Variants in KCNJ6 observed in about 807,000 individuals in gnomAD.
KCNJ6 encodes the protein G protein-activated inward rectifier potassium channel 2.
In KCNJ6, 9 loss-of-function variants were observed where a neutral mutation model predicts 34.2. The ratio of observed to expected loss-of-function variants is 0.26; its 90% confidence interval spans 0.16 to 0.46. KCNJ6 has a LOEUF of 0.46. KCNJ6 is among the 20% of genes least tolerant of loss of function. KCNJ6 has a pLI of 1.00. For missense variants in KCNJ6, 236 were observed against 531.3 expected (o/e 0.44, Z 5.46); for synonymous variants, 196 against 207.1 (o/e 0.95, Z 0.46).
chr21:37,855,046 G>A (rs1241966869), intron 1 of KCNJ6, among the ~76,000 whole-genome samples: 1 of 152,152 alleles, frequency 6.6e-6, no homozygotes, highest in African/African-American at 2.4e-5. Flanking sequence ...CACAACAACA[G>A]CAGAATACAC....
chr21:37,764,104 A>T (rs1375210525), intron 2 of KCNJ6, among the ~76,000 whole-genome samples: 1 of 152,240 alleles, frequency 6.6e-6, no homozygotes, highest in Non-Finnish European at 1.5e-5. Context: ...TGAGTCATAG[A>T]TGAAATACCA....
intron 1 of KCNJ6, among the ~76,000 whole-genome samples, chr21:37,847,506 C>T (rs1014774313): frequency 1.3e-5 from 2 of 152,216 alleles, no homozygotes; most frequent in Non-Finnish European, 2.9e-5. Flanking sequence ...GGTCTAAGAT[C>T]CTTCTTCAAT....
chr21:37,719,167 G>A, intron 2 of KCNJ6, among the ~76,000 whole-genome samples: 1 of 152,190 alleles, frequency 6.6e-6, no homozygotes, highest in Non-Finnish European at 1.5e-5. Flanking sequence ...AGGGGCCAGA[G>A]CCTCAGGGCT....
chr21:37,753,726 C>T (rs573813768), intron 2 of KCNJ6, among the ~76,000 whole-genome samples: 95 of 152,158 alleles, frequency 6.2e-4, no homozygotes, highest in Non-Finnish European at 1.0e-3. Context: ...ATCGAGGGAA[C>T]GCTGTCACTA....
intron 3 of KCNJ6, among the ~76,000 whole-genome samples, chr21:37,641,071 A>C (rs962737714): frequency 1.3e-5 from 2 of 152,134 alleles, no homozygotes; most frequent in African/African-American, 2.4e-5. Flanking sequence ...GGTTATAGGA[A>C]CCTCACACAC....
intron 3 of KCNJ6, among the ~76,000 whole-genome samples, chr21:37,647,948 A>C (rs1378550028): frequency 6.6e-6 from 1 of 152,184 alleles, no homozygotes; most frequent in Non-Finnish European, 1.5e-5. Context: ...CACTGATTGC[A>C]TTTCCTGGAC....
intron 2 of KCNJ6, among the ~76,000 whole-genome samples, chr21:37,773,937 G>A (rs530556511): frequency 1.2e-4 from 18 of 152,198 alleles, no homozygotes; most frequent in Non-Finnish European, 2.1e-4. Context: ...TCATGACCCC[G>A]TATTTCCTCT....
intron 2 of KCNJ6, among the ~76,000 whole-genome samples, chr21:37,768,043 A>T (rs2123501104): frequency 6.6e-6 from 1 of 152,218 alleles, no homozygotes. Context: ...GGACTTGGGT[A>T]AAATTTTTAA....
intron 3 of KCNJ6, among the ~76,000 whole-genome samples, chr21:37,646,879 T>C (rs761502607): frequency 2.6e-5 from 4 of 152,024 alleles, no homozygotes; most frequent in African/African-American, 4.8e-5. Context: ...TCACACGTGT[T>C]AGCCAAGACT....
Position 37,617,234 on chromosome 21 carries a change from T to G in KCNJ6, c.*7925A>C, listed in dbSNP as rs1041999470. The G allele has an allele frequency of 4.0e-5, 6 of 150,102 alleles. No homozygotes were observed. Among genetic ancestry groups the G allele is most frequent in the Non-Finnish European group, 8.9e-5 (6 of 67,686 alleles). 9.3% of individuals were successfully genotyped at this position (150,102 alleles called of 1,614,324 possible). A position where few individuals can be genotyped will look rare whatever the true frequency, so the allele number is the denominator to read the frequency against. ...CTTCCTTCCTTCTTTTCTTTCTTTT[T>G]TTGAGACTGAGTCTCGCTCCGTGGC... is the stretch of plus-strand genomic sequence containing the variant. On this transcript the variant is annotated 3_prime_UTR_variant, in exon 4 of 4. Coordinates refer to ENST00000609713, the MANE Select transcript of KCNJ6 (RefSeq NM_002240.5).
chr21:37,847,493 C>A (rs962452895), intron 1 of KCNJ6, among the ~76,000 whole-genome samples: 1 of 152,202 alleles, frequency 6.6e-6, no homozygotes, highest in Non-Finnish European at 1.5e-5. Flanking sequence ...CAGTGAGAAT[C>A]CAGGTCTAAG....
chr21:37,766,716 C>CA (rs1292963937), intron 2 of KCNJ6, among the ~76,000 whole-genome samples: 1 of 152,102 alleles, frequency 6.6e-6, no homozygotes, highest in African/African-American at 2.4e-5. Flanking sequence ...CAGGGGTCCC[C>CA]AAACCGTGGG....
At chr21:37,840,518 AGT>A in intron 2 of KCNJ6, 138 bp downstream of exon 2, 1 of 606,720 alleles carries the variant, frequency 1.6e-6, no homozygotes, top group Non-Finnish European at 3.0e-6. Flanking sequence ...AACATGATGC[AGT>A]GTGTGTGAAA....
intron 3 of KCNJ6, among the ~76,000 whole-genome samples, chr21:37,668,669 C>T (rs184474482): frequency 1.5e-4 from 23 of 152,276 alleles, no homozygotes; most frequent in Middle Eastern, 3.4e-3. Context: ...GTGTGGATGC[C>T]GCACCCGTGC....
chr21:37,885,932 G>T (rs1019130130), intron 1 of KCNJ6, among the ~76,000 whole-genome samples: 1 of 152,066 alleles, frequency 6.6e-6, no homozygotes, highest in African/African-American at 2.4e-5. Flanking sequence ...CTTTCTCGAG[G>T]TTATTTTCCT....
At position 37,796,376 on chromosome 21, in the gene KCNJ6, T is replaced by C. The variant is rs190883321; in HGVS notation, c.25+44282A>G. Among the ~76,000 whole-genome samples, 343 of 152,146 alleles carry C rather than the reference T, an allele frequency of 2.3e-3. 3 individuals are homozygous for C. Among genetic ancestry groups the C allele is most frequent in the African/African-American group, 7.7e-3 (319 of 41,584 alleles). ...CCCGTGAGCCCAAGGAAAGACTGAC[T>C]TCATTTTGAAAGCGGCAAAGTGGTT... On this transcript the variant is annotated intron_variant, in intron 2 of 3. Transcript: ENST00000609713.
At chr21:37,854,357 T>C (rs2123594614) in intron 1 of KCNJ6, among the ~76,000 whole-genome samples, 1 of 152,116 alleles carries the variant, frequency 6.6e-6, no homozygotes, top group Non-Finnish European at 1.5e-5. Context: ...ATAATAAAGA[T>C]TAAATAATGG....
At chr21:37,839,695 G>A (rs1347871973) in intron 2 of KCNJ6, among the ~76,000 whole-genome samples, 2 of 152,158 alleles carry the variant, frequency 1.3e-5, no homozygotes, top group African/African-American at 2.4e-5. Context: ...AAAAAAATAT[G>A]CCTTGTATTT....
intron 2 of KCNJ6, among the ~76,000 whole-genome samples, chr21:37,763,997 A>G (rs543646624): frequency 2.6e-5 from 4 of 152,242 alleles, no homozygotes; most frequent in African/African-American, 9.6e-5. Flanking sequence ...CATCTCACAT[A>G]TCTACATACT....
Sources: allele counts gnomAD v4.1 joint callset (sites outside exome capture counted in the v4.1 genomes callset), GRCh38; gene constraint gnomAD v4.1.1; transcripts MANE v1.5; gene names NCBI Gene and HGNC (gene_info 2026-07-23, HGNC 2026-07-21).